The following VAV3 variants were observed in gnomAD, a reference collection of about 807,000 sequenced individuals.
The protein encoded by VAV3 is guanine nucleotide exchange factor VAV3.
In VAV3, 94 loss-of-function variants were observed where a neutral mutation model predicts 131.2. That is an observed-to-expected ratio of 0.72 (90% CI 0.61 to 0.85). The LOEUF (loss-of-function observed/expected upper bound fraction) is 0.85. VAV3 is among the 40% of genes least tolerant of loss of function. VAV3 has a pLI of 0.00. For synonymous variants in VAV3, 349 were observed against 342.0 expected (o/e 1.02, Z -0.22); for missense variants, 939 against 1,002.7 (o/e 0.94, Z 0.86).
intron 2 of VAV3, among the ~76,000 whole-genome samples, chr1:107,822,625 A>AGCCTGG (rs1297558399): frequency 6.6e-6 from 1 of 151,724 alleles, no homozygotes; most frequent in Non-Finnish European, 1.5e-5. Flanking sequence ...ACTGCACTCC[A>AGCCTGG]GCCTGGGAGA....
chr1:107,576,272 G>A (rs967181530), intron 25 of VAV3: 10 of 771,882 alleles, frequency 1.3e-5, no homozygotes, highest in Admixed American at 3.6e-5. Flanking sequence ...GGTGGTAATG[G>A]AACTCGAGGG....
chr1:107,627,888 T>C (rs1570640376), intron 20 of VAV3, among the ~76,000 whole-genome samples: 2 of 152,220 alleles, frequency 1.3e-5, no homozygotes, highest in African/African-American at 4.8e-5. Flanking sequence ...CAACTCTAAA[T>C]AGGCTTATTC....
intron 9 of VAV3, among the ~76,000 whole-genome samples, chr1:107,762,420 T>TGA (rs1361766670): frequency 6.6e-6 from 1 of 152,214 alleles, no homozygotes; most frequent in Non-Finnish European, 1.5e-5. Flanking sequence ...GGACACATCC[T>TGA]GACATGCTAG....
intron 15 of VAV3, among the ~76,000 whole-genome samples, chr1:107,736,611 C>T (rs1662654961): frequency 1.3e-5 from 2 of 152,090 alleles, no homozygotes; most frequent in South Asian, 4.1e-4. Flanking sequence ...ACAATTGCTA[C>T]AAAGAGAATA....
chr1:107,683,382 A>C, intron 19 of VAV3, 106 bp downstream of exon 19: 3 of 1,315,344 alleles, frequency 2.3e-6, no homozygotes, highest in Non-Finnish European at 3.3e-6. Flanking sequence ...CCAAATTATG[A>C]GGAACAAAGG....
chr1:107,761,439 A>C, intron 9 of VAV3, among the ~76,000 whole-genome samples: 1 of 151,790 alleles, frequency 6.6e-6, no homozygotes, highest in Non-Finnish European at 1.5e-5. Flanking sequence ...TATTTTCTCT[A>C]GTGCAAAATC....
At chr1:107,752,225 C>T (rs1402255867) in intron 12 of VAV3, among the ~76,000 whole-genome samples, 1 of 152,154 alleles carries the variant, frequency 6.6e-6, no homozygotes, top group Non-Finnish European at 1.5e-5. Flanking sequence ...AGGTTAACAC[C>T]ATTAAATAGG....
At chr1:107,734,069 G>A (rs1318696571) in intron 15 of VAV3, among the ~76,000 whole-genome samples, 1 of 152,194 alleles carries the variant, frequency 6.6e-6, no homozygotes, top group Non-Finnish European at 1.5e-5. Context: ...CATTTTTAAA[G>A]AACAGAATTT....
At chr1:107,620,723 G>A (rs1653521563) in intron 20 of VAV3, among the ~76,000 whole-genome samples, 1 of 152,078 alleles carries the variant, frequency 6.6e-6, no homozygotes, top group African/African-American at 2.4e-5. Context: ...GACAGCGTTG[G>A]GGAGTGCAAT....
chr1:107,734,462 C>A lies in VAV3; in HGVS notation c.1502+14506G>T, dbSNP rs187944902. On this transcript the variant is annotated intron_variant, in intron 15 of 26. Transcript: ENST00000370056. ...CATCAGTGTGCTGTATTCAGGAGAC[C>A]CATCTCACGTGCAGAGACACACACA... Among the ~76,000 whole-genome samples the A allele has an allele frequency of 5.4e-3, 827 of 152,184 alleles. 4 individuals are homozygous for A. The highest frequency in any genetic ancestry group is 8.9e-3 in the Non-Finnish European group (605 of 68,002).
intron 15 of VAV3, 64 bp downstream of exon 15, chr1:107,748,904 T>C: frequency 8.3e-7 from 1 of 1,200,224 alleles, no homozygotes; most frequent in Non-Finnish European, 1.2e-6. Flanking sequence ...TTATTGGTTG[T>C]TCATTATTCA....
At chr1:107,728,232 G>C (rs12029299) in intron 15 of VAV3, among the ~76,000 whole-genome samples, 1 of 152,034 alleles carries the variant, frequency 6.6e-6, no homozygotes, top group African/African-American at 2.4e-5. Context: ...AGAGCAAAGA[G>C]TCAGACCCCC....
intron 24 of VAV3, 142 bp downstream of exon 24, chr1:107,602,255 A>G: frequency 1.9e-6 from 1 of 524,814 alleles, no homozygotes; most frequent in Non-Finnish European, 3.2e-6. Flanking sequence ...AATTTTCAGG[A>G]TTTTGTTGCA....
chr1:107,729,651 A>G (rs932547093), intron 15 of VAV3, among the ~76,000 whole-genome samples: 1 of 152,204 alleles, frequency 6.6e-6, no homozygotes, highest in Non-Finnish European at 1.5e-5. Flanking sequence ...CTCATTTGCT[A>G]AAACAGGATA....
At chr1:107,786,984 C>CACACACAT (rs546322172) in intron 2 of VAV3, among the ~76,000 whole-genome samples, 6 of 152,174 alleles carry the variant, frequency 3.9e-5, no homozygotes, top group Non-Finnish European at 5.9e-5. Flanking sequence ...CCTATCTACA[C>CACACACAT]ACACACATAC....
chr1:107,910,886 G>A (rs1203378034), intron 1 of VAV3, among the ~76,000 whole-genome samples: 1 of 152,032 alleles, frequency 6.6e-6, no homozygotes, highest in African/African-American at 2.4e-5. Context: ...AGGCTGAGAT[G>A]GGAGAACCGC....
chr1:107,669,737 T>C (rs1157148449), intron 19 of VAV3, among the ~76,000 whole-genome samples: 1 of 152,162 alleles, frequency 6.6e-6, no homozygotes, highest in Non-Finnish European at 1.5e-5. Flanking sequence ...AGGTGCTGTA[T>C]TACTCATGAA....
chr1:107,845,528 A>T (rs7513087), intron 2 of VAV3, among the ~76,000 whole-genome samples: 1 of 152,162 alleles, frequency 6.6e-6, no homozygotes, highest in African/African-American at 2.4e-5. Context: ...GTTATAACCA[A>T]ATGCAAGGAA....
In VAV3 at chr1:107,760,891, T is replaced by G. The variant is rs777679456; in HGVS notation, c.922-12A>C. On this transcript the variant is annotated splice_polypyrimidine_tract_variant and intron_variant, in intron 9 of 26. Coordinates refer to ENST00000370056, the MANE Select transcript of VAV3 (RefSeq NM_006113.5). ...CTTTTGGAACATTCCTAATGAAATG[T>G]TTTAAAAACACTTTGTTAGGGAGTC... The G allele has an allele frequency of 8.1e-6, 13 of 1,600,824 alleles. No homozygotes were observed. The highest frequency in any genetic ancestry group is 1.1e-5 in the Non-Finnish European group (13 of 1,168,736).
Sources: allele counts gnomAD v4.1 joint callset (sites outside exome capture counted in the v4.1 genomes callset), GRCh38; gene constraint gnomAD v4.1.1; transcripts MANE v1.5; gene names NCBI Gene and HGNC (gene_info 2026-07-23, HGNC 2026-07-21).